Variants in ARL2 observed in about 807,000 individuals in gnomAD.
ARL2 encodes the protein ADP-ribosylation factor-like protein 2.
A neutral mutation model predicts 22.0 loss-of-function variants in ARL2; 11 were observed. The observed-to-expected ratio is 0.50, with a 90% confidence interval of 0.31 to 0.83. The LOEUF is 0.83. ARL2 is among the 40% of genes least tolerant of loss of function. ARL2 has a pLI of 0.04. For synonymous variants in ARL2, 111 were observed against 100.8 expected (o/e 1.10, Z -0.61); for missense variants, 216 against 243.2 (o/e 0.89, Z 0.74).
chr11:65,020,906 T>C (rs902662360), intron 4 of ARL2, among the ~76,000 whole-genome samples: 1 of 149,122 alleles, frequency 6.7e-6, no homozygotes, highest in African/African-American at 2.5e-5. Flanking sequence ...AAAATAATAA[T>C]AAGAAAAGCA....
chr11:65,016,276 G>GC (rs1379950259), intron 1 of ARL2, among the ~76,000 whole-genome samples: 1 of 143,024 alleles, frequency 7.0e-6, no homozygotes, highest in East Asian at 2.4e-4. Flanking sequence ...TTCGGGGGGG[G>GC]GGGAAACTTT....
chr11:65,017,320 C>T (rs1222699113), intron 1 of ARL2, among the ~76,000 whole-genome samples: 2 of 151,428 alleles, frequency 1.3e-5, no homozygotes, highest in African/African-American at 2.4e-5. Flanking sequence ...CTCAGCCTCC[C>T]GAGTAGCTGG....
rs779177133 is a variant in ARL2, at chr11:65,018,688, C to T, written c.294C>T (p.Arg98=). ...IWVVDSADRQ[R]MQDCQRELQS... is the part of the protein sequence containing the mutation. ...TAGTGGACAGCGCAGACCGCCAGCG[C>T]ATGCAGGACTGCCAGCGGGAGCTCC... The change falls in exon 3 of 5, where the codon CGC becomes CGT. Residue 98 remains arginine, a synonymous_variant. Coordinates refer to ENST00000246747, the MANE Select transcript of ARL2 (RefSeq NM_001667.4). The surrounding 1 kb of genome is among the most constrained non-coding windows in gnomAD (Gnocchi z 4.2). 3 of 1,614,224 alleles carry T rather than the reference C, an allele frequency of 1.9e-6. No individual in the cohort carries two copies. The highest frequency in any genetic ancestry group is 2.5e-6 in the Non-Finnish European group (3 of 1,180,040).
rs1946281894 is a variant in ARL2 at position 65,018,242 on chromosome 11, T to C, written c.66-122T>C. On this transcript the variant is annotated intron_variant, in intron 1 of 4. Coordinates refer to ENST00000246747, the MANE Select transcript of ARL2 (RefSeq NM_001667.4). This position sits in a 1 kb window ranked among gnomAD's most constrained non-coding sequence, Gnocchi z 4.2. ...CATATTTATTGTGGGCCGATTATGG[T>C]CAGGCATGTGCTCAACTCAGTTTGA... is the stretch of plus-strand genomic sequence containing the variant. The C allele has an allele frequency of 1.4e-6, 1 of 715,286 alleles. No individual in the cohort carries two copies. The highest frequency in any genetic ancestry group is 2.8e-5 in the Admixed American group (1 of 35,142). The allele number at this position is 715,286 out of a possible 1,614,324, so 44.3% of individuals were successfully genotyped here.
rs780586325 is a variant in ARL2 at position 65,018,534 on chromosome 11, G to T, written c.177-37G>T. ...GCAGGGCAGGGAAGGTGGGAGAGGG[G>T]CCCAGCTGACCCTCCTGTCACCCGC... On this transcript the variant is annotated intron_variant, in intron 2 of 4. Transcript: ENST00000246747. This position sits in a 1 kb window ranked among gnomAD's most constrained non-coding sequence, Gnocchi z 4.2. The T allele has an allele frequency of 6.2e-7, 1 of 1,601,318 alleles. No homozygotes were observed. The highest frequency in any genetic ancestry group is 8.5e-7 in the Non-Finnish European group (1 of 1,173,634).
At position 65,018,320 on chromosome 11, in the gene ARL2, C is replaced by A. The variant is rs1395702507; in HGVS notation, c.66-44C>A. 8 of 1,512,784 alleles carry A rather than the reference C, an allele frequency of 5.3e-6. No homozygotes were observed. The African/African-American group carries it at 9.6e-5, about 18-fold the overall frequency. 93.7% of individuals were successfully genotyped at this position (1,512,784 alleles called of 1,614,324 possible). A position where few individuals can be genotyped will look rare whatever the true frequency, so the allele number is the denominator to read the frequency against. On this transcript the variant is annotated intron_variant, in intron 1 of 4. Transcript: ENST00000246747. This position sits in a 1 kb window ranked among gnomAD's most constrained non-coding sequence, Gnocchi z 4.2. ...AAGGGGCTCTGCAACAATGTCACCA[C>A]CTGGCAGAGAACAGGGACTTCTCCT... is the stretch of plus-strand genomic sequence containing the variant.
chr11:65,019,142 C>G (rs1430583501), intron 3 of ARL2: 4 of 361,434 alleles, frequency 1.1e-5, no homozygotes, highest in Non-Finnish European at 2.1e-5. Context: ...GAGGCTCAGA[C>G]AGGAGGATCA....
intron 3 of ARL2, among the ~76,000 whole-genome samples, chr11:65,020,010 C>T (rs116807420): frequency 0.029 from 4,359 of 152,262 alleles, 232 homozygotes; most frequent in African/African-American, 0.099. Context: ...TGAGGCCTGT[C>T]GGGAGTGGAA....
chr11:65,016,016 G>T (rs575270541), intron 1 of ARL2, among the ~76,000 whole-genome samples: 1 of 152,082 alleles, frequency 6.6e-6, no homozygotes, highest in African/African-American at 2.4e-5. Context: ...AGACCAGTCT[G>T]GCCAACATGG....
chr11:65,015,484 A>C (rs1374626184), intron 1 of ARL2, among the ~76,000 whole-genome samples: 1 of 152,220 alleles, frequency 6.6e-6, no homozygotes, highest in East Asian at 1.9e-4. Context: ...TTGAGTGCCT[A>C]ATATGTGCTA....
rs1214669120 is a variant in ARL2 at position 65,020,483 on chromosome 11, C to CT, written c.405dup (p.Asn136Ter). Reference sequence around the variant, plus strand: ...CAGGACCTGCCTGGAGCACTGTCCTCTAACGCCATCCGCGAGGTGAGTCCA... The same window carrying CT: ...CAGGACCTGCCTGGAGCACTGTCCTCTTAACGCCATCCGCGAGGTGAGTCCA... On this transcript the variant is annotated frameshift_variant, in exon 4 of 5. Coordinates refer to ENST00000246747, the MANE Select transcript of ARL2 (RefSeq NM_001667.4). LOFTEE classifies it high-confidence loss of function. 3.7e-6 allele frequency: 6 copies of CT among 1,611,612 alleles called. No homozygotes were observed. The highest frequency in any genetic ancestry group is 2.7e-5 in the African/African-American group (2 of 74,838).
intron 1 of ARL2, among the ~76,000 whole-genome samples, chr11:65,017,837 A>G (rs1001533496): frequency 6.6e-6 from 1 of 152,224 alleles, no homozygotes; most frequent in Non-Finnish European, 1.5e-5. Context: ...CAGGTCTGGA[A>G]TATTCCAGAA....
intron 4 of ARL2, 105 bp from the exon 5 acceptor site, chr11:65,021,616 C>A: frequency 1.4e-6 from 2 of 1,388,208 alleles, no homozygotes; most frequent in Non-Finnish European, 1.9e-6. Context: ...TGGAGCAGGG[C>A]CTTGAGGAAG....
chr11:65,017,416 G>A (rs989442100), intron 1 of ARL2, among the ~76,000 whole-genome samples: 7 of 152,114 alleles, frequency 4.6e-5, no homozygotes, highest in South Asian at 2.1e-4. Context: ...GGCTGGTTTC[G>A]AACTCCTGAC....
intron 1 of ARL2, among the ~76,000 whole-genome samples, chr11:65,014,761 G>C (rs2136899439): frequency 6.6e-6 from 1 of 152,332 alleles, no homozygotes; most frequent in East Asian, 1.9e-4. Context: ...TACGCGGCCC[G>C]TGGTTGTCCC....
intron 3 of ARL2, among the ~76,000 whole-genome samples, chr11:65,020,154 G>T (rs1228244450): frequency 6.6e-6 from 1 of 152,202 alleles, no homozygotes; most frequent in Non-Finnish European, 1.5e-5. Flanking sequence ...CCTGTTCATG[G>T]AAGAGGAAGC....
chr11:65,017,497 A>C (rs1417213154), intron 1 of ARL2, among the ~76,000 whole-genome samples: 3 of 151,814 alleles, frequency 2.0e-5, no homozygotes, highest in Admixed American at 2.0e-4. Flanking sequence ...CGCCCGGCCT[A>C]TTTGCTCTTT....
rs753679803 is a variant in ARL2, at chr11:65,014,264, G to A, written c.57G>A (p.Leu19=). 1.9e-6 allele frequency: 3 copies of A among 1,569,886 alleles called. No individual in the cohort carries two copies. The highest frequency in any genetic ancestry group is 2.3e-5 in the South Asian group (2 of 85,712). The change falls in exon 1 of 5, where the codon CTG becomes CTA. Residue 19 remains leucine (L), a synonymous_variant. Coordinates refer to ENST00000246747, the MANE Select transcript of ARL2 (RefSeq NM_001667.4). ...AGCAGAAAGAGCGGGAGCTGCGACT[G>A]CTCATGCTGTATCCTACCGGACGCC... ...KMKQKERELR[L]LMLGLDNAGK... is the part of the protein sequence containing the mutation.
At position 65,021,742 on chromosome 11, in the gene ARL2, C is replaced by T. The variant is rs375384323; in HGVS notation, c.442C>T (p.Arg148Cys). 1.4e-5 allele frequency: 22 copies of T among 1,607,106 alleles called. No individual in the cohort carries two copies. Among genetic ancestry groups the T allele is most frequent in the South Asian group, 2.2e-5 (2 of 90,946 alleles). ...IREVLELDSI[R>C]SHHWCIQGCS... is the part of the protein sequence containing the mutation. ...CCAGGTCCTGGAGCTGGACTCCATC[C>T]GCAGCCACCACTGGTGCATCCAGGG... is the stretch of plus-strand genomic sequence containing the variant. The change falls in exon 5 of 5, where the codon CGC becomes TGC. Residue 148 changes from arginine to cysteine, a missense_variant. Arg to Cys is a radical substitution (Grantham distance 180). Transcript: ENST00000246747.
Sources: allele counts gnomAD v4.1 joint callset (sites outside exome capture counted in the v4.1 genomes callset), GRCh38; gene constraint gnomAD v4.1.1; non-coding constraint Gnocchi (gnomAD v3.1); transcripts MANE v1.5; gene names NCBI Gene and HGNC (gene_info 2026-07-23, HGNC 2026-07-21).